Variants in FSD1L observed in about 807,000 individuals in gnomAD.
FSD1L encodes the protein fibronectin type III and SPRY domain containing 1 like.
Under a neutral mutation model 71.6 loss-of-function variants are expected in FSD1L, and 45 were observed. That is an observed-to-expected ratio of 0.63 (90% CI 0.49 to 0.81). FSD1L has a LOEUF of 0.81. Ranked by LOEUF, FSD1L falls within the 30% of genes least tolerant of loss-of-function variation. The pLI, the probability that FSD1L is intolerant of heterozygous loss-of-function variation, is 0.00. For missense variants in FSD1L, 561 were observed against 618.1 expected (o/e 0.91, Z 0.98); for synonymous variants, 197 against 207.2 (o/e 0.95, Z 0.42).
chr9:105,542,844 A>G (rs908112255), intron 13 of FSD1L, among the ~76,000 whole-genome samples: 1 of 152,104 alleles, frequency 6.6e-6, no homozygotes, highest in African/African-American at 2.4e-5. Flanking sequence ...TATGGTTTGC[A>G]TTTTCATTTT....
intron 7 of FSD1L, among the ~76,000 whole-genome samples, chr9:105,503,337 A>G (rs184349567): frequency 2.6e-5 from 4 of 152,304 alleles, no homozygotes; most frequent in Admixed American, 2.6e-4. Flanking sequence ...TGCCACTATA[A>G]TGTATCCTAT....
intron 10 of FSD1L, among the ~76,000 whole-genome samples, chr9:105,515,908 AC>A (rs1293393203): frequency 6.6e-6 from 1 of 151,426 alleles, no homozygotes; most frequent in African/African-American, 2.4e-5. Flanking sequence ...GGCGGGTCCC[AC>A]CCCCATGGAA....
At chr9:105,495,961 A>G (rs1833365976) in intron 7 of FSD1L, among the ~76,000 whole-genome samples, 1 of 143,386 alleles carries the variant, frequency 7.0e-6, no homozygotes, top group Non-Finnish European at 1.5e-5. Flanking sequence ...GCAGAGTGAG[A>G]CTCCATCTAA....
At chr9:105,494,021 G>A (rs1452950347) in intron 7 of FSD1L, among the ~76,000 whole-genome samples, 1 of 152,140 alleles carries the variant, frequency 6.6e-6, no homozygotes, top group African/African-American at 2.4e-5. Context: ...GTCATTCTCT[G>A]TATTTCCTTA....
At chr9:105,531,717 C>A (rs1835906022) in intron 10 of FSD1L, among the ~76,000 whole-genome samples, 1 of 128,282 alleles carries the variant, frequency 7.8e-6, no homozygotes, top group Non-Finnish European at 1.7e-5. Flanking sequence ...TATTTGGTGA[C>A]CTCTGCACTC....
At chr9:105,465,315 A>T (rs2771041) in intron 3 of FSD1L, among the ~76,000 whole-genome samples, 103,178 of 152,046 alleles carry the variant, frequency 0.68, 35,380 homozygotes, top group African/African-American at 0.76. Flanking sequence ...TACCACTGAA[A>T]TCTAGCAAAT....
chr9:105,447,873 G>A (rs959748409), upstream of FSD1L: 2 of 412,930 alleles, frequency 4.8e-6, no homozygotes, highest in African/African-American at 4.3e-5. Context: ...GACCGCTATC[G>A]CTGGAGGAAA....
At chr9:105,535,012 C>CTG in intron 11 of FSD1L, 55 bp from the exon 12 acceptor site, 1 of 1,534,442 alleles carries the variant, frequency 6.5e-7, no homozygotes, top group Non-Finnish European at 8.8e-7. Flanking sequence ...GTAGGTAAAA[C>CTG]TGTGTGACTC....
intron 5 of FSD1L, among the ~76,000 whole-genome samples, chr9:105,474,677 G>A (rs1244840674): frequency 6.6e-6 from 1 of 152,196 alleles, no homozygotes; most frequent in Admixed American, 6.5e-5. Flanking sequence ...ACATTAAAGT[G>A]CTTAAATGAG....
At chr9:105,523,717 C>T (rs1008707452) in intron 10 of FSD1L, 42 of 1,595,704 alleles carry the variant, frequency 2.6e-5, no homozygotes, top group Non-Finnish European at 3.3e-5. Context: ...ATTGGTAATA[C>T]AATGAAAAGA....
chr9:105,533,942 C>A (rs1222857463), intron 10 of FSD1L, among the ~76,000 whole-genome samples: 1 of 152,078 alleles, frequency 6.6e-6, no homozygotes, highest in South Asian at 2.1e-4. Flanking sequence ...AGGCTCGTCT[C>A]GAACTCCCGA....
the FSD1L span, among the ~76,000 whole-genome samples, chr9:105,442,557 A>G: frequency 6.3e-4 from 95 of 151,968 alleles, 1 homozygote; most frequent in African/African-American, 2.2e-3. Context: ...GCATGGTGGC[A>G]CGTGCCTGTG....
At chr9:105,453,028 C>T (rs575257681) in intron 1 of FSD1L, among the ~76,000 whole-genome samples, 31 of 146,540 alleles carry the variant, frequency 2.1e-4, no homozygotes, top group Non-Finnish European at 3.9e-4. Flanking sequence ...TGAGCCATCA[C>T]GTCTGACCTA....
intron 7 of FSD1L, among the ~76,000 whole-genome samples, chr9:105,493,386 A>G (rs1320027312): frequency 6.6e-6 from 1 of 151,970 alleles, no homozygotes. Context: ...TTTTGAGCCT[A>G]TGTGTGTCTC....
chr9:105,512,341 G>A (rs1417733749), intron 9 of FSD1L, among the ~76,000 whole-genome samples: 1 of 152,068 alleles, frequency 6.6e-6, no homozygotes, highest in Admixed American at 6.5e-5. Context: ...GAAACTGACA[G>A]TGTAGGTATG....
At chr9:105,525,188 G>A (rs1835431393) in intron 10 of FSD1L, 6 of 1,596,444 alleles carry the variant, frequency 3.8e-6, no homozygotes, top group Non-Finnish European at 5.1e-6. Flanking sequence ...GACATCTAAT[G>A]AATGCTTAGA....
Position 105,548,602 on chromosome 9 carries a change from G to A in FSD1L, c.*2119G>A, listed in dbSNP as rs1380966611. On this transcript the variant is annotated 3_prime_UTR_variant, in exon 14 of 14. Coordinates refer to ENST00000481272, the MANE Select transcript of FSD1L (RefSeq NM_001145313.3). ...TGCATATATTAATCAGGGGCTGGAGGAGTATACATGATTCTTGTGTTCATG... is the reference window on the plus strand; with the variant it reads ...TGCATATATTAATCAGGGGCTGGAGAAGTATACATGATTCTTGTGTTCATG... 2.2e-4 allele frequency: 34 copies of A among 152,302 alleles called. No homozygotes were observed. Among genetic ancestry groups the A allele is most frequent in the Admixed American group, 2.2e-3 (34 of 15,242 alleles). The allele number at this position is 152,302 out of a possible 1,614,324, so 9.4% of individuals were successfully genotyped here.
chr9:105,513,653 G>C (rs1292236712), intron 10 of FSD1L: 6 of 1,512,024 alleles, frequency 4.0e-6, no homozygotes, highest in Non-Finnish European at 8.8e-7. Context: ...TGTCTGTCTA[G>C]TTCTAGGACT....
chr9:105,455,445 G>T (rs1296411315), intron 1 of FSD1L, among the ~76,000 whole-genome samples: 1 of 151,282 alleles, frequency 6.6e-6, no homozygotes, highest in African/African-American at 2.4e-5. Flanking sequence ...TGTGTGGGAT[G>T]ATGCAAGTGG....
Sources: gnomAD v4.1 joint callset for allele counts (sites outside exome capture counted in the v4.1 genomes callset) on GRCh38, gnomAD v4.1.1 for gene constraint, MANE v1.5 for transcripts, NCBI Gene and HGNC (gene_info 2026-07-23, HGNC 2026-07-21) for gene names.